ARHGEF10L: variants seen among roughly 807,000 people sequenced by gnomAD.
ARHGEF10L encodes Rho guanine nucleotide exchange factor 10 like.
A neutral mutation model predicts 141.2 loss-of-function variants in ARHGEF10L; 69 were observed. The ratio of observed to expected loss-of-function variants is 0.49; its 90% CI spans 0.40 to 0.60. The LOEUF (loss-of-function observed/expected upper bound fraction) is 0.60. Ranked by LOEUF, ARHGEF10L falls within the 20% of genes least tolerant of loss-of-function variation. ARHGEF10L has a pLI of 0.00. For synonymous variants in ARHGEF10L, 711 were observed against 718.5 expected (o/e 0.99, Z 0.17); for missense variants, 1,482 against 1,734.3 (o/e 0.85, Z 2.58).
Position 17,619,183 on chromosome 1 carries a change from G to T in ARHGEF10L, c.836-156G>T, listed in dbSNP as rs2059971877. The T allele has an allele frequency of 6.3e-6, 1 of 157,982 alleles. No homozygotes were observed. The allele number at this position is 157,982 out of a possible 1,614,324, so 9.8% of individuals were successfully genotyped here. A position where few individuals can be genotyped will look rare whatever the true frequency, so the allele number is the denominator to read the frequency against. On this transcript the variant is annotated intron_variant, in intron 9 of 28. Coordinates refer to ENST00000361221, the MANE Select transcript of ARHGEF10L (RefSeq NM_018125.4). The surrounding 1 kb of genome is among the most constrained non-coding windows in gnomAD (Gnocchi z 5.0). ...CGTAGCAGGGAACTCCTGAGAAGGAGCTACCGGGCGGCTCTAACCCCACGG... is the reference window on the plus strand; with the variant it reads ...CGTAGCAGGGAACTCCTGAGAAGGATCTACCGGGCGGCTCTAACCCCACGG...
intron 4 of ARHGEF10L, among the ~76,000 whole-genome samples, chr1:17,598,755 C>T (rs539263575): frequency 2.6e-5 from 4 of 151,912 alleles, no homozygotes; most frequent in South Asian, 4.2e-4. Flanking sequence ...GTGCCGAGGG[C>T]TACTGCTCTC....
intron 1 of ARHGEF10L, among the ~76,000 whole-genome samples, chr1:17,570,927 G>A (rs1179698981): frequency 2.0e-5 from 3 of 152,126 alleles, no homozygotes; most frequent in Non-Finnish European, 2.9e-5. Context: ...CAAGCGGGAT[G>A]GGAAGACTGG....
intron 28 of ARHGEF10L, among the ~76,000 whole-genome samples, chr1:17,696,470 G>A (rs2065509541): frequency 6.6e-6 from 1 of 152,118 alleles, no homozygotes; most frequent in Non-Finnish European, 1.5e-5. Context: ...GGGGCGAGCA[G>A]CTCCCCATGC....
At chr1:17,559,347 C>T (rs72648404) in intron 1 of ARHGEF10L, among the ~76,000 whole-genome samples, 15,717 of 152,038 alleles carry the variant, frequency 0.1, 956 homozygotes, top group Middle Eastern at 0.18. Flanking sequence ...GTCACAGGGG[C>T]GGGACACTAG....
At chr1:17,616,887 C>T (rs1419667416) in intron 9 of ARHGEF10L, among the ~76,000 whole-genome samples, 1 of 152,166 alleles carries the variant, frequency 6.6e-6, no homozygotes, top group Non-Finnish European at 1.5e-5. Context: ...ACGAGATGTT[C>T]CAGAGATGCT....
intron 1 of ARHGEF10L, among the ~76,000 whole-genome samples, chr1:17,550,430 G>T (rs1570407696): frequency 1.3e-5 from 2 of 152,026 alleles, no homozygotes; most frequent in Non-Finnish European, 1.5e-5. Context: ...ATCACTTGAG[G>T]TTGGGAGTTT....
chr1:17,548,795 C>T lies in ARHGEF10L; in HGVS notation c.-44+8845C>T, dbSNP rs374472155. ...TCCTGAGTAGATGGGATTACAGGTG[C>T]GCACCACCACACTCAGCTAATTTTT... On this transcript the variant is annotated intron_variant, in intron 1 of 28. Coordinates refer to ENST00000361221, the MANE Select transcript of ARHGEF10L (RefSeq NM_018125.4). Among the ~76,000 whole-genome samples, 39 of 149,724 alleles carry T rather than the reference C, an allele frequency of 2.6e-4. 1 individual carries two copies. The highest frequency in any genetic ancestry group is 8.5e-4 in the South Asian group (4 of 4,692).
At position 17,623,071 on chromosome 1, in the gene ARHGEF10L, G is replaced by T. The variant is rs1473375822; in HGVS notation, c.1096G>T (p.Val366Leu). The T allele has an allele frequency of 6.2e-7, 1 of 1,614,176 alleles. No individual in the cohort carries two copies. Among genetic ancestry groups the T allele is most frequent in the Non-Finnish European group, 8.5e-7 (1 of 1,180,020 alleles). Reference sequence around the variant, plus strand: ...CAAGTGCCAGGTGGTGTTCTTCCGCGTGAAGGAGATCCTGCACTGCCACTC... The same window carrying T: ...CAAGTGCCAGGTGGTGTTCTTCCGCTTGAAGGAGATCCTGCACTGCCACTC... ...ARKCQVVFFR[V>L]KEILHCHSMF... Residue 366 changes from valine to leucine, a missense_variant, in exon 12 of 29, where the codon GTG (valine) becomes TTG (leucine). Physicochemically the swap from Val to Leu is conservative, Grantham distance 32. This residue lies in a region of ARHGEF10L where 392 missense variants were observed against 542.1 expected (regional missense o/e 0.72). Transcript: ENST00000361221. This position sits in a 1 kb window ranked among gnomAD's most constrained non-coding sequence, Gnocchi z 4.7.
intron 22 of ARHGEF10L, among the ~76,000 whole-genome samples, chr1:17,653,393 TCCA>T (rs2062043265): frequency 6.6e-6 from 1 of 152,202 alleles, no homozygotes; most frequent in African/African-American, 2.4e-5. Flanking sequence ...TTGAGTATTT[TCCA>T]CCATCTTCGA....
chr1:17,597,133 C>T (rs2080188165), intron 4 of ARHGEF10L, among the ~76,000 whole-genome samples: 1 of 152,170 alleles, frequency 6.6e-6, no homozygotes, highest in Non-Finnish European at 1.5e-5. Flanking sequence ...TCTGCCTTTT[C>T]CTCCCCATCT....
chr1:17,647,727 A>C (rs2061682513), intron 21 of ARHGEF10L, among the ~76,000 whole-genome samples: 1 of 152,046 alleles, frequency 6.6e-6, no homozygotes, highest in African/African-American at 2.4e-5. Flanking sequence ...AAAGTAAGAC[A>C]GGGTCTTTAG....
chr1:17,520,374 C>T, the ARHGEF10L span, among the ~76,000 whole-genome samples: 2 of 152,240 alleles, frequency 1.3e-5, no homozygotes, highest in African/African-American at 2.4e-5. Flanking sequence ...AACTGACAGA[C>T]GGGACCCTTC....
chr1:17,695,171 G>C lies in ARHGEF10L; in HGVS notation c.3198G>C (p.Leu1066Phe). ...CTCTTTCTGCAGGCCAGAAGCACTT[G>C]TGTGTCACCAGCCTCCTGATCTGCC... Reference protein sequence around the residue: ...TTFLLPGQKHLCVTSLLICQG... With the variant: ...TTFLLPGQKHFCVTSLLICQG... The change falls in exon 28 of 29, where the codon TTG (leucine) becomes TTC (phenylalanine). Residue 1066 changes from leucine (L) to phenylalanine (F), a missense_variant. Around this residue, in one of 3 missense-constraint regions of ARHGEF10L, gnomAD observed 858 missense variants for 966.3 expected, o/e 0.89. Transcript: ENST00000361221. 1 of 1,612,900 alleles carries C rather than the reference G, an allele frequency of 6.2e-7. No homozygotes were observed. The highest frequency in any genetic ancestry group is 1.1e-5 in the South Asian group (1 of 91,070).
chr1:17,643,395 G>A (rs1184354077), intron 21 of ARHGEF10L, among the ~76,000 whole-genome samples: 1 of 152,148 alleles, frequency 6.6e-6, no homozygotes, highest in Non-Finnish European at 1.5e-5. Flanking sequence ...GGGAATCTGG[G>A]GACCCCGTTC....
At chr1:17,577,496 G>A (rs1006553927) in intron 1 of ARHGEF10L, among the ~76,000 whole-genome samples, 5 of 152,098 alleles carry the variant, frequency 3.3e-5, no homozygotes, top group African/African-American at 1.2e-4. Context: ...AGGATCTGTG[G>A]TGGTGGCAGG....
At chr1:17,584,820 T>C (rs1157960773) in intron 2 of ARHGEF10L, among the ~76,000 whole-genome samples, 1 of 151,884 alleles carries the variant, frequency 6.6e-6, no homozygotes, top group Admixed American at 6.6e-5. Context: ...GAGCAAGGGA[T>C]GAGCAGAAGA....
chr1:17,664,725 C>G, intron 26 of ARHGEF10L, 130 bp downstream of exon 26: 1 of 1,244,130 alleles, frequency 8.0e-7, no homozygotes, highest in South Asian at 1.7e-5. Context: ...AGAGTTTGTC[C>G]GGAAGCAGAG....
At chr1:17,683,004 C>T (rs1001548443) in intron 26 of ARHGEF10L, among the ~76,000 whole-genome samples, 8 of 152,264 alleles carry the variant, frequency 5.3e-5, no homozygotes, top group Non-Finnish European at 1.2e-4. Context: ...ACGTGGATAC[C>T]TTGTGTTTGG....
chr1:17,603,615 T>G lies in ARHGEF10L; in HGVS notation c.433+24T>G. The G allele has an allele frequency of 6.3e-7, 1 of 1,585,504 alleles. No individual in the cohort carries two copies. The highest frequency in any genetic ancestry group is 8.6e-7 in the Non-Finnish European group (1 of 1,163,536). On this transcript the variant is annotated intron_variant, in intron 6 of 28. Coordinates refer to ENST00000361221, the MANE Select transcript of ARHGEF10L (RefSeq NM_018125.4). The surrounding 1 kb of genome is among the most constrained non-coding windows in gnomAD (Gnocchi z 4.8). ...CGGTATGATGTCTGCAGTGCTTCCC[T>G]GTTTCTCTTGGGGACAGGGGAGGGA...
Sources: allele counts gnomAD v4.1 joint callset (sites outside exome capture counted in the v4.1 genomes callset), GRCh38; gene constraint gnomAD v4.1.1; regional missense constraint gnomAD v4.1.1; non-coding constraint Gnocchi (gnomAD v3.1); transcripts MANE v1.5; gene names NCBI Gene and HGNC (gene_info 2026-07-23, HGNC 2026-07-21).